The following PTBP3 variants were observed in gnomAD, a reference collection of about 807,000 sequenced individuals.
PTBP3 encodes polypyrimidine tract binding protein 3, also known as polypyrimidine tract-binding protein 3.
In PTBP3, 20 loss-of-function variants were observed where a neutral mutation model predicts 58.7. The ratio of observed to expected loss-of-function variants is 0.34; its 90% CI spans 0.24 to 0.50. The LOEUF (loss-of-function observed/expected upper bound fraction) is 0.50, where lower values mean the gene tolerates loss of function less well. Ranked by LOEUF, PTBP3 falls within the 20% of genes least tolerant of loss-of-function variation. PTBP3 has a pLI of 0.98. For synonymous variants in PTBP3, 185 were observed against 219.8 expected, an observed-to-expected ratio of 0.84 and a Z score of 1.40; for missense variants, 509 against 637.2, an observed-to-expected ratio of 0.80 and a Z score of 2.17.
At chr9:112,346,451 G>A in the PTBP3 span, among the ~76,000 whole-genome samples, 406 of 152,222 alleles carry the variant, frequency 2.7e-3, no homozygotes, top group Non-Finnish European at 4.5e-3. Context: ...ACAGGCATGA[G>A]CCACCACACC....
At chr9:112,240,614 C>T (rs1343545132) in intron 7 of PTBP3, among the ~76,000 whole-genome samples, 1 of 148,864 alleles carries the variant, frequency 6.7e-6, no homozygotes, top group East Asian at 1.9e-4. Context: ...CTATACTATA[C>T]TTTTTATTGT....
the PTBP3 span, among the ~76,000 whole-genome samples, chr9:112,357,677 T>C: frequency 6.6e-5 from 10 of 152,170 alleles, no homozygotes; most frequent in Non-Finnish European, 1.3e-4. Context: ...TAGCAATTTT[T>C]TTTTTCTATA....
intron 1 of PTBP3, among the ~76,000 whole-genome samples, chr9:112,306,260 G>A (rs1587866154): frequency 1.3e-5 from 2 of 151,832 alleles, no homozygotes; most frequent in East Asian, 3.9e-4. Context: ...AACCTCCTAG[G>A]CTCAAGCGAT....
chr9:112,345,259 C>G, the PTBP3 span, among the ~76,000 whole-genome samples: 3 of 146,706 alleles, frequency 2.0e-5, no homozygotes, highest in African/African-American at 7.6e-5. Context: ...ATTACTTGAG[C>G]CCAAAGAGTT....
At chr9:112,283,699 T>C (rs1276762739) in intron 2 of PTBP3, among the ~76,000 whole-genome samples, 1 of 152,204 alleles carries the variant, frequency 6.6e-6, no homozygotes, top group Non-Finnish European at 1.5e-5. Flanking sequence ...GCCAAGACGA[T>C]ATGGAAAATG....
chr9:112,350,453 C>A, the PTBP3 span, among the ~76,000 whole-genome samples: 1 of 152,068 alleles, frequency 6.6e-6, no homozygotes, highest in African/African-American at 2.4e-5. Context: ...CTTCCACGCC[C>A]AGTACCCAAT....
At chr9:112,261,381 C>A (rs6477905) in intron 5 of PTBP3, among the ~76,000 whole-genome samples, 3 of 152,030 alleles carry the variant, frequency 2.0e-5, no homozygotes, top group Non-Finnish European at 4.4e-5. Context: ...AGCTCTATCG[C>A]CAATTGGTAT....
chr9:112,305,033 T>C (rs958953088), intron 1 of PTBP3, among the ~76,000 whole-genome samples: 6 of 152,198 alleles, frequency 3.9e-5, no homozygotes, highest in Non-Finnish European at 7.3e-5. Flanking sequence ...TAGCAAAATG[T>C]AGGGTAACTT....
intron 1 of PTBP3, among the ~76,000 whole-genome samples, chr9:112,304,260 C>T (rs547687497): frequency 2.0e-5 from 3 of 152,200 alleles, no homozygotes; most frequent in South Asian, 4.1e-4. Flanking sequence ...TATGGTTAAC[C>T]TTTCAGAAAA....
At chr9:112,241,888 A>C (rs1438753304) in intron 7 of PTBP3, among the ~76,000 whole-genome samples, 2 of 152,178 alleles carry the variant, frequency 1.3e-5, no homozygotes. Context: ...AAATATATAC[A>C]AACAGAATTA....
intron 2 of PTBP3, among the ~76,000 whole-genome samples, chr9:112,287,656 CTG>C (rs1228113204): frequency 6.6e-6 from 1 of 152,066 alleles, no homozygotes; most frequent in African/African-American, 2.4e-5. Flanking sequence ...TTTTTTCTGT[CTG>C]TGTGCTTCAG....
intron 1 of PTBP3, among the ~76,000 whole-genome samples, chr9:112,325,067 GC>G (rs1209552127): frequency 6.6e-6 from 1 of 152,084 alleles, no homozygotes; most frequent in African/African-American, 2.4e-5. Flanking sequence ...ATTCATAATA[GC>G]CCCAAACTGA....
intron 8 of PTBP3, among the ~76,000 whole-genome samples, chr9:112,233,181 C>G (rs1483005076): frequency 6.6e-6 from 1 of 151,706 alleles, no homozygotes; most frequent in Non-Finnish European, 1.5e-5. Context: ...TATTCCCATG[C>G]CCCTCCAGTC....
intron 7 of PTBP3, among the ~76,000 whole-genome samples, chr9:112,246,623 G>A (rs1287696253): frequency 6.6e-6 from 1 of 150,936 alleles, no homozygotes; most frequent in Non-Finnish European, 1.5e-5. Flanking sequence ...AACCCGGGAG[G>A]CGGAGCTAGC....
chr9:112,376,625 G>A, the PTBP3 span, among the ~76,000 whole-genome samples: 1 of 152,112 alleles, frequency 6.6e-6, no homozygotes, highest in Non-Finnish European at 1.5e-5. Context: ...AGGAGAGCCA[G>A]TCCAAGTCCC....
chr9:112,231,288 C>A, intron 10 of PTBP3, 92 bp downstream of exon 10: 1 of 1,005,904 alleles, frequency 9.9e-7, no homozygotes, highest in Non-Finnish European at 1.4e-6. Flanking sequence ...CAATACTTGG[C>A]ACACAGAAGT....
the PTBP3 span, among the ~76,000 whole-genome samples, chr9:112,346,215 C>T: frequency 2.0e-5 from 3 of 151,816 alleles, no homozygotes; most frequent in East Asian, 1.9e-4. Flanking sequence ...TGGCCCAGGC[C>T]GGAGTGCAGT....
intron 5 of PTBP3, among the ~76,000 whole-genome samples, chr9:112,255,485 A>T (rs1487762245): frequency 6.6e-6 from 1 of 151,922 alleles, no homozygotes; most frequent in Non-Finnish European, 1.5e-5. Context: ...GTTAGACTTT[A>T]AAAAAAAGGT....
the PTBP3 span, among the ~76,000 whole-genome samples, chr9:112,371,980 G>A: frequency 1.3e-5 from 2 of 152,034 alleles, no homozygotes; most frequent in Non-Finnish European, 2.9e-5. Context: ...CATTGCTTAG[G>A]TATTGTTCTC....
Sources: gnomAD v4.1 joint callset for allele counts (sites outside exome capture counted in the v4.1 genomes callset) on GRCh38, gnomAD v4.1.1 for gene constraint, MANE v1.5 for transcripts, NCBI Gene and HGNC (gene_info 2026-07-23, HGNC 2026-07-21) for gene names.